PRPF18: variants seen among roughly 807,000 people sequenced by gnomAD.
PRPF18 encodes the protein pre-mRNA processing factor 18.
Under a neutral mutation model 46.5 loss-of-function variants are expected in PRPF18, and 38 were observed. That is an observed-to-expected ratio of 0.82 (90% CI 0.63 to 1.07). The LOEUF (loss-of-function observed/expected upper bound fraction) is 1.07. Among genes scored for constraint, PRPF18 ranks in the 50% least tolerant of loss-of-function variants. The pLI is 0.00. For synonymous variants in PRPF18, 152 were observed against 146.7 expected (o/e 1.04, Z -0.26); for missense variants, 263 against 410.0 (o/e 0.64, Z 3.10).
intron 2 of PRPF18, among the ~76,000 whole-genome samples, chr10:13,599,721 T>G (rs1348650562): frequency 1.3e-5 from 2 of 152,240 alleles, no homozygotes; most frequent in Non-Finnish European, 2.9e-5. Flanking sequence ...AATTTTTCTG[T>G]ATGTCCAACA....
intron 9 of PRPF18, among the ~76,000 whole-genome samples, chr10:13,617,433 G>A (rs1040804541): frequency 2.0e-5 from 3 of 151,702 alleles, no homozygotes; most frequent in South Asian, 2.1e-4. Flanking sequence ...GATTTCAATC[G>A]GACTCCCTCA....
chr10:13,654,488 C>A, the PRPF18 span: 3 of 1,613,544 alleles, frequency 1.9e-6, no homozygotes, highest in African/African-American at 4.0e-5. Flanking sequence ...CGGTGTCGAG[C>A]TTCTCTGGCT....
At position 13,605,705 on chromosome 10, in the gene PRPF18, T is replaced by A; in HGVS notation, c.324T>A (p.Arg108=). The A allele has an allele frequency of 6.2e-7, 1 of 1,613,318 alleles. No individual in the cohort carries two copies. The highest frequency in any genetic ancestry group is 8.5e-7 in the Non-Finnish European group (1 of 1,179,752). Residue 108 remains arginine, a synonymous_variant, in exon 4 of 10, where the codon CGT becomes CGA. Transcript: ENST00000378572. The part of the protein sequence containing the change: ...FGETDYDAFQ[R]LRKIEILTPE... Reference sequence around the variant, plus strand: ...AGACTGATTATGATGCTTTTCAACGTTTAAGGAAAATAGAGATCCTCACAC... The same window carrying A: ...AGACTGATTATGATGCTTTTCAACGATTAAGGAAAATAGAGATCCTCACAC...
intron 3 of PRPF18, among the ~76,000 whole-genome samples, chr10:13,604,314 T>G (rs574495107): frequency 6.6e-6 from 1 of 152,244 alleles, no homozygotes; most frequent in Non-Finnish European, 1.5e-5. Flanking sequence ...AAATTTGGAC[T>G]AGTATTTATT....
At chr10:13,612,622 CTT>C (rs61113168) in intron 6 of PRPF18, among the ~76,000 whole-genome samples, 16 of 76,120 alleles carry the variant, frequency 2.1e-4, no homozygotes, top group African/African-American at 2.5e-4. Flanking sequence ...AGGGTTCTAG[CTT>C]TTTTTTTTTT....
the PRPF18 span, chr10:13,655,794 G>T: frequency 2.0e-5 from 3 of 152,088 alleles, no homozygotes. Flanking sequence ...TTCTTATGAT[G>T]TTTACCATTT....
chr10:13,648,396 T>G, the PRPF18 span, among the ~76,000 whole-genome samples: 1 of 152,176 alleles, frequency 6.6e-6, no homozygotes, highest in African/African-American at 2.4e-5. Flanking sequence ...TGGTTGGGCC[T>G]TGCAGGGGTC....
chr10:13,617,169 T>A (rs2080355203), intron 9 of PRPF18, among the ~76,000 whole-genome samples: 1 of 152,214 alleles, frequency 6.6e-6, no homozygotes, highest in Admixed American at 6.5e-5. Context: ...TGCCAGATTG[T>A]CATAAATCCC....
At position 13,630,338 on chromosome 10, in the gene PRPF18, T is replaced by C; in HGVS notation, c.1027T>C (p.Ter343ArgextTer7). ...CAAATGTGTGGAGTACAATGCACTGTGAGATCTGTGTATGGTGTGTTAATA... is the reference window on the plus strand; with the variant it reads ...CAAATGTGTGGAGTACAATGCACTGCGAGATCTGTGTATGGTGTGTTAATA... ...PSKCVEYNAL[*>R] Residue 343 changes from the stop codon to arginine, a stop_lost, in exon 10 of 10, where the codon TGA becomes CGA. Coordinates refer to ENST00000378572, the MANE Select transcript of PRPF18 (RefSeq NM_003675.4). 6.2e-7 allele frequency: 1 copy of C among 1,600,388 alleles called. No individual in the cohort carries two copies. Among genetic ancestry groups the C allele is most frequent in the South Asian group, 1.1e-5 (1 of 90,786 alleles).
chr10:13,591,919 C>A, intron 1 of PRPF18: 29 of 1,234,302 alleles, frequency 2.3e-5, no homozygotes, highest in Non-Finnish European at 2.9e-5. Context: ...TCTCACGTGT[C>A]AACTGAGGGT....
At chr10:13,610,220 A>C (rs1564456763) in intron 5 of PRPF18, 35 bp downstream of exon 5, 11 of 1,595,370 alleles carry the variant, frequency 6.9e-6, no homozygotes, top group Non-Finnish European at 8.6e-6. Context: ...CATCCCTGGC[A>C]CCCTTCTTTT....
intron 8 of PRPF18, among the ~76,000 whole-genome samples, chr10:13,615,240 C>T (rs2080322762): frequency 6.6e-6 from 1 of 152,222 alleles, no homozygotes; most frequent in Non-Finnish European, 1.5e-5. Context: ...TGCCTTTCCT[C>T]TTACTGCTTT....
intron 8 of PRPF18, among the ~76,000 whole-genome samples, chr10:13,616,034 G>C (rs1475287004): frequency 6.6e-6 from 1 of 152,180 alleles, no homozygotes; most frequent in Non-Finnish European, 1.5e-5. Flanking sequence ...GGAGAAGACT[G>C]GGTCTAAAGG....
chr10:13,611,187 CTTTT>C (rs35441441), intron 5 of PRPF18, among the ~76,000 whole-genome samples: 11 of 120,974 alleles, frequency 9.1e-5, no homozygotes, highest in Admixed American at 2.5e-4. Flanking sequence ...CAGTTGTGGG[CTTTT>C]TTTTTTTTTT....
the PRPF18 span, among the ~76,000 whole-genome samples, chr10:13,636,404 G>C: frequency 6.6e-6 from 1 of 152,228 alleles, no homozygotes; most frequent in African/African-American, 2.4e-5. Flanking sequence ...GGGTGACAGA[G>C]TGAGACCGTG....
chr10:13,648,935 C>G, the PRPF18 span, among the ~76,000 whole-genome samples: 1 of 152,016 alleles, frequency 6.6e-6, no homozygotes, highest in East Asian at 1.9e-4. Flanking sequence ...AAAAAAGCTT[C>G]CATGGATAAA....
chr10:13,606,745 A>C lies in PRPF18; in HGVS notation c.363+1001A>C, dbSNP rs1174219250. ...TGAGACTCCTTCTCAAAAAAAAAAA[A>C]AAAAAAAAAAAAACAGGGATAAAAC... On this transcript the variant is annotated intron_variant, in intron 4 of 9. Coordinates refer to ENST00000378572, the MANE Select transcript of PRPF18 (RefSeq NM_003675.4). Among the ~76,000 whole-genome samples, 5 of 151,632 alleles carry C rather than the reference A, an allele frequency of 3.3e-5. No homozygotes were observed. The South Asian group carries it at 8.3e-4, about 25-fold the overall frequency.
At chr10:13,608,828 C>A (rs1455797641) in intron 4 of PRPF18, among the ~76,000 whole-genome samples, 1 of 152,218 alleles carries the variant, frequency 6.6e-6, no homozygotes, top group African/African-American at 2.4e-5. Context: ...AGCACAAGGT[C>A]TGGATTCCAT....
At chr10:13,641,705 G>GT in the PRPF18 span, 1 of 152,232 alleles carries the variant, frequency 6.6e-6, no homozygotes, top group Admixed American at 6.5e-5. Flanking sequence ...TTTCAATGAA[G>GT]TGTCCCACTT....
Sources: gnomAD v4.1 joint callset for allele counts (sites outside exome capture counted in the v4.1 genomes callset) on GRCh38, gnomAD v4.1.1 for gene constraint, MANE v1.5 for transcripts, NCBI Gene and HGNC (gene_info 2026-07-23, HGNC 2026-07-21) for gene names.